The following TOM1L2 variants were observed in gnomAD, a reference collection of about 807,000 sequenced individuals.
TOM1L2 encodes TOM1-like protein 2.
TOM1L2 carries 31 observed loss-of-function variants against 67.9 expected under a neutral mutation model. The observed-to-expected ratio is 0.46, with a 90% CI of 0.34 to 0.62. The LOEUF (loss-of-function observed/expected upper bound fraction) is 0.62, where lower values mean the gene tolerates loss of function less well. TOM1L2 is among the 20% of genes least tolerant of loss of function. The pLI, the probability that TOM1L2 is intolerant of heterozygous loss-of-function variation, is 0.01. For missense variants in TOM1L2, 606 were observed against 663.5 expected, an observed-to-expected ratio of 0.91 and a Z score of 0.95; for synonymous variants, 256 against 254.0, an observed-to-expected ratio of 1.01 and a Z score of -0.07.
At chr17:17,886,833 A>G (rs1159892592) in intron 4 of TOM1L2, among the ~76,000 whole-genome samples, 2 of 152,208 alleles carry the variant, frequency 1.3e-5, no homozygotes, top group Non-Finnish European at 2.9e-5. Flanking sequence ...ACAGAGACAG[A>G]CTGGAGTGGG....
chr17:17,972,166 G>T (rs1442999166), intron 1 of TOM1L2, 96 bp downstream of exon 1: 1 of 1,473,100 alleles, frequency 6.8e-7, no homozygotes, highest in African/African-American at 1.4e-5. Context: ...CAGCCCGCTC[G>T]TGAAGTGGCA....
intron 7 of TOM1L2, chr17:17,871,984 C>T: frequency 1.0e-6 from 1 of 985,504 alleles, no homozygotes; most frequent in Non-Finnish European, 1.2e-6. Flanking sequence ...TTGTGAATGG[C>T]TCATGTCCCC....
intron 1 of TOM1L2, among the ~76,000 whole-genome samples, chr17:17,919,865 C>A (rs1360002940): frequency 6.6e-6 from 1 of 152,166 alleles, no homozygotes; most frequent in Admixed American, 6.5e-5. Context: ...TCCCACGCCC[C>A]AGCCGCCAGG....
rs559086742 is a variant in TOM1L2 at position 17,907,260 on chromosome 17, A to G, written c.137+187T>C. 2.3e-4 allele frequency among the ~76,000 whole-genome samples: 35 copies of G among 152,378 alleles called. 1 individual carries two copies. The South Asian group carries it at 5.0e-3, about 22-fold the overall frequency. Reference sequence around the variant, plus strand: ...CCCTGTTCTACCTCCAAGCACTGCCATTGGGCAAGTGGGGGAGGGATGAAG... The same window carrying G: ...CCCTGTTCTACCTCCAAGCACTGCCGTTGGGCAAGTGGGGGAGGGATGAAG... On this transcript the variant is annotated intron_variant, in intron 2 of 14. Transcript: ENST00000379504.
At chr17:17,932,779 A>C (rs941167661) in intron 1 of TOM1L2, among the ~76,000 whole-genome samples, 1 of 152,152 alleles carries the variant, frequency 6.6e-6, no homozygotes. Flanking sequence ...TGGTTCTCCC[A>C]TTTTATTGTG....
At chr17:17,897,922 CTTTT>C (rs35600233) in intron 3 of TOM1L2, among the ~76,000 whole-genome samples, 4 of 133,646 alleles carry the variant, frequency 3.0e-5, no homozygotes, top group African/African-American at 8.2e-5. Flanking sequence ...TGGAAGTTAA[CTTTT>C]TTTTTTTTTT....
At chr17:17,951,063 G>C (rs1752101174) in intron 1 of TOM1L2, among the ~76,000 whole-genome samples, 1 of 152,154 alleles carries the variant, frequency 6.6e-6, no homozygotes, top group African/African-American at 2.4e-5. Flanking sequence ...AGCCAGGTAA[G>C]GGCTTTAGTG....
At chr17:17,891,928 C>T (rs2038306539) in intron 4 of TOM1L2, among the ~76,000 whole-genome samples, 1 of 152,032 alleles carries the variant, frequency 6.6e-6, no homozygotes, top group Non-Finnish European at 1.5e-5. Context: ...GAATTAACTA[C>T]ATTCACTCAT....
At chr17:17,878,383 T>G (rs1212814153) in intron 7 of TOM1L2, among the ~76,000 whole-genome samples, 1 of 152,202 alleles carries the variant, frequency 6.6e-6, no homozygotes, top group African/African-American at 2.4e-5. Context: ...ACAAGTTGTT[T>G]CCCGGTCTAT....
At chr17:17,958,938 C>A (rs535493950) in intron 1 of TOM1L2, among the ~76,000 whole-genome samples, 29 of 152,168 alleles carry the variant, frequency 1.9e-4, no homozygotes, top group Non-Finnish European at 3.8e-4. Context: ...AATGAAACCT[C>A]CATTAATACC....
intron 4 of TOM1L2, among the ~76,000 whole-genome samples, chr17:17,890,081 CAG>C (rs1024471329): frequency 2.0e-5 from 3 of 152,184 alleles, no homozygotes; most frequent in African/African-American, 7.2e-5. Context: ...GGGGAATTGT[CAG>C]AGTCTCTGGG....
intron 2 of TOM1L2, among the ~76,000 whole-genome samples, chr17:17,905,342 T>A (rs564522063): frequency 6.6e-6 from 1 of 152,360 alleles, no homozygotes; most frequent in Non-Finnish European, 1.5e-5. Flanking sequence ...CTCCCCAGCC[T>A]GCTCCACCTC....
intron 7 of TOM1L2, among the ~76,000 whole-genome samples, chr17:17,874,774 C>T (rs952888098): frequency 1.3e-5 from 2 of 152,166 alleles, no homozygotes; most frequent in African/African-American, 4.8e-5. Flanking sequence ...GGTTAGACAG[C>T]TCCCAACCCC....
At chr17:17,965,212 C>T (rs1003788111) in intron 1 of TOM1L2, among the ~76,000 whole-genome samples, 1 of 152,038 alleles carries the variant, frequency 6.6e-6, no homozygotes, top group African/African-American at 2.4e-5. Context: ...CCATGCTATT[C>T]CCCTCCCTAG....
chr17:17,927,222 G>A (rs998485878), intron 1 of TOM1L2, among the ~76,000 whole-genome samples: 2 of 152,188 alleles, frequency 1.3e-5, no homozygotes, highest in African/African-American at 4.8e-5. Flanking sequence ...TGGGGGTGGA[G>A]TCCAAAGGGA....
At chr17:17,865,273 T>C (rs1265282445) in intron 10 of TOM1L2, among the ~76,000 whole-genome samples, 1 of 152,040 alleles carries the variant, frequency 6.6e-6, no homozygotes, top group African/African-American at 2.4e-5. Flanking sequence ...ATATTGACAA[T>C]CAATCAATCA....
At chr17:17,933,798 C>A (rs1038037598) in intron 1 of TOM1L2, among the ~76,000 whole-genome samples, 1 of 152,222 alleles carries the variant, frequency 6.6e-6, no homozygotes, top group African/African-American at 2.4e-5. Flanking sequence ...TGGCCTTGCT[C>A]AGCATCCAAC....
intron 10 of TOM1L2, among the ~76,000 whole-genome samples, chr17:17,865,999 C>T (rs1352609134): frequency 6.6e-6 from 1 of 152,142 alleles, no homozygotes; most frequent in Non-Finnish European, 1.5e-5. Context: ...ACCTCGGCCT[C>T]CCATAGTGCT....
intron 1 of TOM1L2, among the ~76,000 whole-genome samples, chr17:17,921,426 GGTATTTGATGTATGCCGTTCTTT>G (rs2039863539): frequency 1.3e-5 from 2 of 152,220 alleles, no homozygotes; most frequent in Admixed American, 6.5e-5. Context: ...CAGAGCCACT[GGTATTTGATGTATGCCGTTCTTT>G]GTACTTAATG....
Sources: gnomAD v4.1 joint callset for allele counts (sites outside exome capture counted in the v4.1 genomes callset) on GRCh38, gnomAD v4.1.1 for gene constraint, MANE v1.5 for transcripts, NCBI Gene and HGNC (gene_info 2026-07-23, HGNC 2026-07-21) for gene names.